MTMR9: variants seen among roughly 807,000 people sequenced by gnomAD.
The protein encoded by MTMR9 is myotubularin-related protein 9.
In MTMR9, 39 loss-of-function variants were observed where a neutral mutation model predicts 69.5. That is an observed-to-expected ratio of 0.56 (90% confidence interval 0.43 to 0.73). The LOEUF is 0.73. Among genes scored for constraint, MTMR9 ranks in the 30% least tolerant of loss-of-function variants. MTMR9 has a pLI of 0.00. For synonymous variants in MTMR9, 354 were observed against 240.8 expected (o/e 1.47, Z -4.35); for missense variants, 900 against 671.2 (o/e 1.34, Z -3.77).
At chr8:11,293,832 A>G (rs971981744) in intron 1 of MTMR9, among the ~76,000 whole-genome samples, 27 of 150,430 alleles carry the variant, frequency 1.8e-4, no homozygotes, top group Non-Finnish European at 3.0e-4. Context: ...CTTCAATTGA[A>G]TTGTCTTCGT....
chr8:11,310,848 C>T lies in MTMR9; in HGVS notation c.971+1160C>T, dbSNP rs529361383. ...TTGCAGCTGTGACAGCATGATGATACAGATTAAGACATCCCTCAGTGCAGA... is the reference window on the plus strand; with the variant it reads ...TTGCAGCTGTGACAGCATGATGATATAGATTAAGACATCCCTCAGTGCAGA... On this transcript the variant is annotated intron_variant, in intron 6 of 9. Coordinates refer to ENST00000221086, the MANE Select transcript of MTMR9 (RefSeq NM_015458.4). Among the ~76,000 whole-genome samples the T allele has an allele frequency of 1.1e-3, 161 of 152,182 alleles. 1 individual carries two copies. Among genetic ancestry groups the T allele is most frequent in the African/African-American group, 3.3e-3 (139 of 41,516 alleles).
downstream of MTMR9, chr8:11,330,818 C>A (rs1466048876): frequency 4.0e-6 from 2 of 497,950 alleles, no homozygotes; most frequent in South Asian, 2.9e-5. Flanking sequence ...AAACCAGAGA[C>A]CTTTGTTCAC....
chr8:11,309,490 C>G (rs1292009211), intron 5 of MTMR9, 37 bp from the exon 6 acceptor site: 1 of 1,548,314 alleles, frequency 6.5e-7, no homozygotes, highest in Admixed American at 1.9e-5. Context: ...TTTCTATTTT[C>G]TGGGTTTGTT....
chr8:11,295,598 A>T (rs1365968842), intron 2 of MTMR9, among the ~76,000 whole-genome samples: 3 of 152,174 alleles, frequency 2.0e-5, no homozygotes, highest in South Asian at 2.1e-4. Context: ...TAAATAACAG[A>T]TACTGTTTCA....
chr8:11,331,554 G>C (rs1382155619), downstream of MTMR9: 1 of 1,613,830 alleles, frequency 6.2e-7, no homozygotes, highest in East Asian at 2.2e-5. Context: ...CCTCTGCCTT[G>C]AGAGCCAGGG....
At chr8:11,296,570 T>C (rs1439348902) in intron 2 of MTMR9, among the ~76,000 whole-genome samples, 2 of 152,194 alleles carry the variant, frequency 1.3e-5, no homozygotes, top group Non-Finnish European at 1.5e-5. Context: ...AGAACCCCCA[T>C]TCTACTTTCT....
At chr8:11,305,095 C>A in intron 4 of MTMR9, 81 bp downstream of exon 4, 1 of 1,343,456 alleles carries the variant, frequency 7.4e-7, no homozygotes, top group Non-Finnish European at 1.0e-6. Context: ...CTTTTGCTCT[C>A]TGTCTGTTCA....
At chr8:11,287,847 TTA>T (rs1365247657) in intron 1 of MTMR9, among the ~76,000 whole-genome samples, 30 of 118,930 alleles carry the variant, frequency 2.5e-4, no homozygotes, top group African/African-American at 1.0e-3. Flanking sequence ...ATATATTTTA[TTA>T]TATATGTTAT....
intron 3 of MTMR9, among the ~76,000 whole-genome samples, chr8:11,304,015 C>G (rs1267472752): frequency 6.6e-6 from 1 of 151,990 alleles, no homozygotes; most frequent in South Asian, 2.1e-4. Context: ...TAGGCCAACT[C>G]AGATATACAG....
chr8:11,290,456 T>G (rs114224280), intron 1 of MTMR9, among the ~76,000 whole-genome samples: 1,561 of 152,038 alleles, frequency 0.01, 18 homozygotes, highest in African/African-American at 0.035. Context: ...AAATCTTTAC[T>G]TTTAATGCAG....
downstream of MTMR9, chr8:11,331,153 C>G (rs775162152): frequency 1.8e-5 from 29 of 1,611,374 alleles, no homozygotes; most frequent in Non-Finnish European, 2.5e-5. Context: ...TCCACACACC[C>G]ATCGCCGCCC....
At chr8:11,307,029 T>G (rs1799964493) in intron 5 of MTMR9, among the ~76,000 whole-genome samples, 1 of 152,176 alleles carries the variant, frequency 6.6e-6, no homozygotes, top group South Asian at 2.1e-4. Context: ...GTCATCCAGG[T>G]TCATCTGTGC....
At position 11,322,954 on chromosome 8, in the gene MTMR9, A is replaced by G; in HGVS notation, c.*166A>G. 2.1e-6 allele frequency: 1 copy of G among 483,966 alleles called. No individual in the cohort carries two copies. 30.0% of individuals were successfully genotyped at this position (483,966 alleles called of 1,614,324 possible). ...CAATACTGTATGAATAATGAAACTT[A>G]CTATCATAAACCATGTTTCATGTGG... On this transcript the variant is annotated 3_prime_UTR_variant, in exon 10 of 10. Transcript: ENST00000221086.
At chr8:11,313,098 A>G (rs137964908) in intron 6 of MTMR9, among the ~76,000 whole-genome samples, 5 of 152,340 alleles carry the variant, frequency 3.3e-5, no homozygotes, top group Non-Finnish European at 7.3e-5. Context: ...GATTTTCAGA[A>G]TTGCAAATAA....
chr8:11,330,209 CCGCGGCCTGGCCAGCCG>C (rs1259367319), downstream of MTMR9, among the ~76,000 whole-genome samples: 13 of 150,598 alleles, frequency 8.6e-5, no homozygotes, highest in East Asian at 7.9e-4. Context: ...GGGGGGTCAG[CCGCGGCCTGGCCAGCCG>C]CCCCGTCCGG....
rs536325783 is a variant in MTMR9, at chr8:11,322,917, T to C, written c.*129T>C. 1.9e-5 allele frequency: 14 copies of C among 730,608 alleles called. No homozygotes were observed. In the East Asian group the frequency reaches 3.6e-4, roughly 19 times the overall value. 45.3% of individuals were successfully genotyped at this position (730,608 alleles called of 1,614,324 possible). A position where few individuals can be genotyped will look rare whatever the true frequency, so the allele number is the denominator to read the frequency against. ...CTTTAGATGTGGGACCCCCCTAATG[T>C]AATGGATTTCTCAATACTGTATGAA... On this transcript the variant is annotated 3_prime_UTR_variant, in exon 10 of 10. Coordinates refer to ENST00000221086, the MANE Select transcript of MTMR9 (RefSeq NM_015458.4).
At chr8:11,333,191 A>T in the MTMR9 span, among the ~76,000 whole-genome samples, 11 of 152,334 alleles carry the variant, frequency 7.2e-5, no homozygotes, top group Admixed American at 7.2e-4. Context: ...ACTCAAAGAG[A>T]TTCATACCAA....
intron 1 of MTMR9, 43 bp downstream of exon 1, chr8:11,285,113 C>A (rs116727195): frequency 2.0e-6 from 3 of 1,484,006 alleles, no homozygotes; most frequent in South Asian, 2.6e-5. Flanking sequence ...AGCCGGGGGT[C>A]CCTTGTGGGC....
At chr8:11,294,771 G>A (rs1378211457) in intron 1 of MTMR9, 1 of 153,456 alleles carries the variant, frequency 6.5e-6, no homozygotes, top group African/African-American at 2.4e-5. Flanking sequence ...TTACAGACGT[G>A]AGCCACGGCA....
Sources: gnomAD v4.1 joint callset for allele counts (sites outside exome capture counted in the v4.1 genomes callset) on GRCh38, gnomAD v4.1.1 for gene constraint, MANE v1.5 for transcripts, NCBI Gene and HGNC (gene_info 2026-07-23, HGNC 2026-07-21) for gene names.